RALYL: variants seen among roughly 807,000 people sequenced by gnomAD.
RALYL encodes RALY RNA binding protein like, also known as RNA-binding Raly-like protein.
Under a neutral mutation model 35.1 loss-of-function variants are expected in RALYL, and 29 were observed. The ratio of observed to expected loss-of-function variants is 0.83; its 90% CI spans 0.61 to 1.13. The LOEUF (loss-of-function observed/expected upper bound fraction) is 1.13. Ranked by LOEUF, RALYL falls within the 50% of genes most tolerant of loss-of-function variation. The pLI is 0.00. For missense variants in RALYL, 359 were observed against 360.4 expected, an observed-to-expected ratio of 1.00 and a Z score of 0.03; for synonymous variants, 120 against 127.6, an observed-to-expected ratio of 0.94 and a Z score of 0.40.
At chr8:84,552,540 AC>A (rs1387747200) in intron 2 of RALYL, among the ~76,000 whole-genome samples, 1 of 151,320 alleles carries the variant, frequency 6.6e-6, no homozygotes, top group South Asian at 2.1e-4. Flanking sequence ...ACAGAGGAGA[AC>A]AATTTCACTT....
intron 8 of RALYL, among the ~76,000 whole-genome samples, chr8:84,897,373 C>T (rs1164696466): frequency 6.6e-6 from 1 of 152,044 alleles, no homozygotes; most frequent in African/African-American, 2.4e-5. Context: ...AAAAGCACTT[C>T]TTATTTGATA....
chr8:84,919,490 A>G (rs1287805304), intron 8 of RALYL, among the ~76,000 whole-genome samples: 1 of 152,086 alleles, frequency 6.6e-6, no homozygotes, highest in Non-Finnish European at 1.5e-5. Flanking sequence ...TGCCTTAAGT[A>G]CAAAACTGAC....
intron 1 of RALYL, among the ~76,000 whole-genome samples, chr8:84,377,462 T>TGTTTGTTTGTTTGTTTGTTTGTTTG (rs201091689): frequency 2.7e-5 from 4 of 146,838 alleles, no homozygotes; most frequent in African/African-American, 1.0e-4. Context: ...TTTTTTTTTT[T>TGTTTGTTTGTTTGTTTGTTTGTTTG]TTTTTTTTTT....
chr8:84,367,021 G>A (rs1167536997), intron 1 of RALYL, among the ~76,000 whole-genome samples: 7 of 151,502 alleles, frequency 4.6e-5, no homozygotes, highest in Non-Finnish European at 8.8e-5. Context: ...CGTGGTGTTC[G>A]GGGAAAAAAA....
At position 84,273,098 on chromosome 8, in the gene RALYL, C is replaced by T. The variant is rs191481183; in HGVS notation, c.-24+88674C>T. Among the ~76,000 whole-genome samples, 422 of 152,320 alleles carry T rather than the reference C, an allele frequency of 2.8e-3. 2 individuals carry two copies. The highest frequency in any genetic ancestry group is 9.5e-3 in the African/African-American group (396 of 41,578). ...TTATAGTCAGAGGACAAGTTTACTG[C>T]TTTTTCTATTAGTTATCTATTACTA... On this transcript the variant is annotated intron_variant, in intron 1 of 8. Coordinates refer to ENST00000521268, the MANE Select transcript of RALYL (RefSeq NM_173848.7).
At chr8:84,333,391 TA>T in intron 1 of RALYL, among the ~76,000 whole-genome samples, 1 of 152,238 alleles carries the variant, frequency 6.6e-6, no homozygotes. Context: ...TAAGATCAAT[TA>T]AAATATAGTC....
intron 1 of RALYL, among the ~76,000 whole-genome samples, chr8:84,381,443 C>A (rs1350878389): frequency 1.3e-5 from 2 of 151,834 alleles, no homozygotes; most frequent in Non-Finnish European, 2.9e-5. Flanking sequence ...TTCAGTTTCT[C>A]CATCTTTCCA....
Position 84,873,341 on chromosome 8 carries a change from T to C in RALYL, c.629T>C (p.Ile210Thr), listed in dbSNP as rs747596332. The C allele has an allele frequency of 3.1e-6, 5 of 1,602,778 alleles. No individual in the cohort carries two copies. The highest frequency in any genetic ancestry group is 1.3e-5 in the African/African-American group (1 of 74,706). ...GAATTAACCCAGATCAAAACTAAAA[T>C]TGACTCCTTGCTAGGGCGCCTGGAG... ...KKELTQIKTK[I>T]DSLLGRLEKI... The change falls in exon 7 of 9, where the codon ATT becomes ACT. Residue 210 changes from isoleucine to threonine, a missense_variant. Transcript: ENST00000521268.
chr8:84,242,357 C>A (rs1828127658), intron 1 of RALYL, among the ~76,000 whole-genome samples: 1 of 152,108 alleles, frequency 6.6e-6, no homozygotes, highest in Non-Finnish European at 1.5e-5. Context: ...GGTATATACC[C>A]AATAACAGAA....
intron 5 of RALYL, among the ~76,000 whole-genome samples, chr8:84,860,227 A>C (rs2135021068): frequency 6.6e-6 from 1 of 152,280 alleles, no homozygotes; most frequent in East Asian, 1.9e-4. Flanking sequence ...CTCTTACATC[A>C]TTGTATATTT....
intron 4 of RALYL, among the ~76,000 whole-genome samples, chr8:84,806,175 G>A (rs1483245267): frequency 6.6e-6 from 1 of 152,160 alleles, no homozygotes; most frequent in Non-Finnish European, 1.5e-5. Flanking sequence ...ATTAGGGGAT[G>A]TGGAAGACAA....
intron 1 of RALYL, among the ~76,000 whole-genome samples, chr8:84,280,628 C>T (rs1836349326): frequency 6.6e-6 from 1 of 151,668 alleles, no homozygotes; most frequent in Non-Finnish European, 1.5e-5. Flanking sequence ...CAACAAAAAA[C>T]TCAAAGACCC....
chr8:84,208,797 A>G (rs959998089), intron 1 of RALYL, among the ~76,000 whole-genome samples: 3 of 152,196 alleles, frequency 2.0e-5, no homozygotes, highest in African/African-American at 7.2e-5. Flanking sequence ...TTAAGTTTAA[A>G]AATTTGGGAA....
intron 2 of RALYL, among the ~76,000 whole-genome samples, chr8:84,595,159 G>A (rs1348706601): frequency 2.0e-5 from 3 of 152,062 alleles, no homozygotes; most frequent in African/African-American, 7.2e-5. Flanking sequence ...CACGGGGCAG[G>A]AACTCCATAA....
intron 2 of RALYL, among the ~76,000 whole-genome samples, chr8:84,586,419 C>T (rs1258648659): frequency 6.6e-6 from 1 of 152,120 alleles, no homozygotes; most frequent in African/African-American, 2.4e-5. Flanking sequence ...TCCAAGTCTG[C>T]CAGGCACATC....
intron 1 of RALYL, among the ~76,000 whole-genome samples, chr8:84,476,572 T>C (rs1309038909): frequency 2.0e-5 from 3 of 152,224 alleles, no homozygotes; most frequent in Admixed American, 6.5e-5. Flanking sequence ...TTATTCCTAC[T>C]GATACCTGAA....
At chr8:84,463,308 T>C (rs1006203756) in intron 1 of RALYL, among the ~76,000 whole-genome samples, 7 of 152,028 alleles carry the variant, frequency 4.6e-5, no homozygotes, top group African/African-American at 1.7e-4. Context: ...GACAACATCC[T>C]GTATTAAGCT....
At position 84,355,716 on chromosome 8, in the gene RALYL, G is replaced by A. The variant is rs550380695; in HGVS notation, c.-24+171292G>A. 1.1e-3 allele frequency among the ~76,000 whole-genome samples: 159 copies of A among 150,378 alleles called. 2 individuals carry two copies. The highest frequency in any genetic ancestry group is 1.8e-3 in the Admixed American group (28 of 15,150). ...GGTCACTAGGCTTATGAGGATGGAA[G>A]TGGAAAGTGAGAAATCTAGATGGAT... On this transcript the variant is annotated intron_variant, in intron 1 of 8. Transcript: ENST00000521268.
intron 2 of RALYL, among the ~76,000 whole-genome samples, chr8:84,767,561 A>T (rs1563558011): frequency 2.0e-5 from 3 of 152,200 alleles, no homozygotes; most frequent in Middle Eastern, 3.4e-3. Flanking sequence ...GCTTAGAGAG[A>T]ATCATGACAA....
Sources: gnomAD v4.1 joint callset for allele counts (sites outside exome capture counted in the v4.1 genomes callset) on GRCh38, gnomAD v4.1.1 for gene constraint, MANE v1.5 for transcripts, NCBI Gene and HGNC (gene_info 2026-07-23, HGNC 2026-07-21) for gene names.